Variants in THSD7A observed in about 807,000 individuals in gnomAD.
The protein encoded by THSD7A is thrombospondin type 1 domain containing 7A.
A neutral mutation model predicts 231.3 loss-of-function variants in THSD7A; 96 were observed. The observed-to-expected ratio is 0.41, with a 90% CI of 0.35 to 0.49. The LOEUF (loss-of-function observed/expected upper bound fraction) is 0.49. Ranked by LOEUF, THSD7A falls within the 20% of genes least tolerant of loss-of-function variation. The probability of loss-of-function intolerance (pLI) is 0.05; values close to 1 mark genes in which losing one functional copy is unlikely to be tolerated. For synonymous variants in THSD7A, 940 were observed against 743.3 expected (o/e 1.26, Z -4.30); for missense variants, 2,290 against 2,070.2 (o/e 1.11, Z -2.06).
chr7:11,601,147 A>G (rs897375543), intron 2 of THSD7A, among the ~76,000 whole-genome samples: 1 of 152,156 alleles, frequency 6.6e-6, no homozygotes, highest in African/African-American at 2.4e-5. Context: ...CACTTCCTTT[A>G]GATACATTTC....
intron 1 of THSD7A, among the ~76,000 whole-genome samples, chr7:11,680,677 C>A (rs1190841541): frequency 6.6e-6 from 1 of 152,088 alleles, no homozygotes; most frequent in Non-Finnish European, 1.5e-5. Context: ...GTTAGAATAG[C>A]GATCATTCAA....
At chr7:11,797,501 T>C (rs562597381) in intron 1 of THSD7A, among the ~76,000 whole-genome samples, 1 of 150,900 alleles carries the variant, frequency 6.6e-6, no homozygotes, top group East Asian at 2.0e-4. Flanking sequence ...ACTGTAGCCT[T>C]GACCTCCTAG....
chr7:11,691,160 A>G (rs1043379461), intron 1 of THSD7A, among the ~76,000 whole-genome samples: 1 of 151,582 alleles, frequency 6.6e-6, no homozygotes, highest in Admixed American at 6.6e-5. Flanking sequence ...AAATTTATTA[A>G]CCATTTATTT....
At chr7:11,792,969 T>A (rs139498693) in intron 1 of THSD7A, among the ~76,000 whole-genome samples, 1 of 151,994 alleles carries the variant, frequency 6.6e-6, no homozygotes, top group Non-Finnish European at 1.5e-5. Context: ...TCCCATAGCA[T>A]TATGACTTCA....
At chr7:11,818,617 TG>T (rs1230807272) in intron 1 of THSD7A, among the ~76,000 whole-genome samples, 1 of 152,114 alleles carries the variant, frequency 6.6e-6, no homozygotes, top group Non-Finnish European at 1.5e-5. Context: ...TCCCAGACAA[TG>T]GCTTCCTCAG....
intron 1 of THSD7A, among the ~76,000 whole-genome samples, chr7:11,797,744 T>A (rs777867101): frequency 5.3e-5 from 8 of 152,098 alleles, no homozygotes; most frequent in Non-Finnish European, 1.2e-4. Context: ...TAATAAGAGA[T>A]GCTTGTGGAA....
At chr7:11,503,835 A>G (rs1336205199) in intron 6 of THSD7A, among the ~76,000 whole-genome samples, 1 of 152,238 alleles carries the variant, frequency 6.6e-6, no homozygotes, top group Non-Finnish European at 1.5e-5. Context: ...TTGCAGAGAA[A>G]AGGAAATGCT....
At chr7:11,626,986 T>C (rs569200886) in intron 2 of THSD7A, among the ~76,000 whole-genome samples, 20 of 152,292 alleles carry the variant, frequency 1.3e-4, no homozygotes, top group South Asian at 1.2e-3. Context: ...CATTTTCTCA[T>C]TGGCTTCAGT....
At chr7:11,771,446 C>T (rs2128171721) in intron 1 of THSD7A, among the ~76,000 whole-genome samples, 1 of 151,924 alleles carries the variant, frequency 6.6e-6, no homozygotes, top group East Asian at 1.9e-4. Flanking sequence ...TAAATAAAGC[C>T]AATGCAAAAT....
intron 1 of THSD7A, among the ~76,000 whole-genome samples, chr7:11,777,526 TC>T (rs1428728955): frequency 6.6e-6 from 1 of 151,926 alleles, no homozygotes; most frequent in African/African-American, 2.4e-5. Flanking sequence ...TTAATATAAT[TC>T]AGAGTCTCTA....
intron 1 of THSD7A, among the ~76,000 whole-genome samples, chr7:11,718,918 G>C (rs1487026950): frequency 1.3e-5 from 2 of 151,050 alleles, no homozygotes; most frequent in Non-Finnish European, 3.0e-5. Flanking sequence ...TTGAAATAGG[G>C]ACAATTATGA....
chr7:11,498,854 C>T (rs1373406171), intron 6 of THSD7A, among the ~76,000 whole-genome samples: 1 of 152,106 alleles, frequency 6.6e-6, no homozygotes, highest in East Asian at 1.9e-4. Context: ...TGACTAGGGA[C>T]TGAAGCAGGC....
At chr7:11,530,889 TAATCCC>T (rs1788681382) in intron 6 of THSD7A, among the ~76,000 whole-genome samples, 1 of 152,082 alleles carries the variant, frequency 6.6e-6, no homozygotes. Flanking sequence ...CGGGTGTCTG[TAATCCC>T]AACTACTTGG....
At chr7:11,648,637 C>CATGTGTGTGTGTGTGT (rs1554259672) in intron 1 of THSD7A, among the ~76,000 whole-genome samples, 6 of 141,060 alleles carry the variant, frequency 4.3e-5, no homozygotes, top group Non-Finnish European at 7.7e-5. Flanking sequence ...TATTTTGTGG[C>CATGTGTGTGTGTGTGT]GTGTGTGTGT....
At chr7:11,440,117 A>G (rs1784756642) in intron 13 of THSD7A, among the ~76,000 whole-genome samples, 1 of 152,022 alleles carries the variant, frequency 6.6e-6, no homozygotes, top group South Asian at 2.1e-4. Flanking sequence ...ATCAAGCTAA[A>G]TCTACTCTGC....
intron 23 of THSD7A, among the ~76,000 whole-genome samples, chr7:11,392,691 G>T: frequency 6.6e-6 from 1 of 152,280 alleles, no homozygotes; most frequent in South Asian, 2.1e-4. Flanking sequence ...CTCAAGCTTG[G>T]TGGGAGGAGG....
At chr7:11,513,576 A>G (rs1787907512) in intron 6 of THSD7A, among the ~76,000 whole-genome samples, 1 of 152,198 alleles carries the variant, frequency 6.6e-6, no homozygotes, top group Non-Finnish European at 1.5e-5. Flanking sequence ...TTCTATTTAT[A>G]GAAATACCCA....
At chr7:11,768,593 C>G (rs193082451) in intron 1 of THSD7A, among the ~76,000 whole-genome samples, 12 of 152,190 alleles carry the variant, frequency 7.9e-5, no homozygotes, top group African/African-American at 2.6e-4. Flanking sequence ...CAACTCTAGT[C>G]CATGTGATTG....
chr7:11,819,718 A>G (rs1319950809), intron 1 of THSD7A, among the ~76,000 whole-genome samples: 1 of 152,194 alleles, frequency 6.6e-6, no homozygotes, highest in Non-Finnish European at 1.5e-5. Flanking sequence ...AACCTATTCT[A>G]TATAATATGG....
Sources: gnomAD v4.1 joint callset for allele counts (sites outside exome capture counted in the v4.1 genomes callset) on GRCh38, gnomAD v4.1.1 for gene constraint, MANE v1.5 for transcripts, NCBI Gene and HGNC (gene_info 2026-07-23, HGNC 2026-07-21) for gene names.